Variants in PPP6R3 observed in about 807,000 individuals in gnomAD.
The protein encoded by PPP6R3 is serine/threonine-protein phosphatase 6 regulatory subunit 3.
A neutral mutation model predicts 110.7 loss-of-function variants in PPP6R3; 38 were observed. That is an observed-to-expected ratio of 0.34 (90% confidence interval 0.26 to 0.45). The LOEUF is 0.45. PPP6R3 is among the 20% of genes least tolerant of loss of function. PPP6R3 has a pLI of 1.00. For synonymous variants in PPP6R3, 369 were observed against 373.5 expected (o/e 0.99, Z 0.14); for missense variants, 870 against 1,062.4 (o/e 0.82, Z 2.52).
chr11:68,579,985 G>A (rs1001906238), intron 14 of PPP6R3, among the ~76,000 whole-genome samples: 6 of 152,192 alleles, frequency 3.9e-5, no homozygotes, highest in South Asian at 2.1e-4. Context: ...GCATGACTGC[G>A]CGTGTTTCAG....
chr11:68,569,568 C>T (rs1221600722), intron 10 of PPP6R3, among the ~76,000 whole-genome samples, 180 bp from the exon 11 acceptor site: 2 of 152,108 alleles, frequency 1.3e-5, no homozygotes, highest in African/African-American at 4.8e-5. Context: ...TAACTGAAAC[C>T]ACAGAAAATG....
Position 68,614,823 on chromosome 11 carries a change from T to C in PPP6R3, c.*1706T>C. On this transcript the variant is annotated 3_prime_UTR_variant, in exon 24 of 24. Transcript: ENST00000393800. ...CCCCAGAGGACAGGGCTCCTCCTGC[T>C]TGCCTCAGGGCTGCCTGACTTGAAT... 7.1e-7 allele frequency: 1 copy of C among 1,401,216 alleles called. No homozygotes were observed. The highest frequency in any genetic ancestry group is 1.2e-5 in the South Asian group (1 of 80,792). The allele number at this position is 1,401,216 out of a possible 1,614,324, so 86.8% of individuals were successfully genotyped here.
At chr11:68,600,531 G>A (rs1221121523) in intron 20 of PPP6R3, 37 bp downstream of exon 20, 1 of 1,579,928 alleles carries the variant, frequency 6.3e-7, no homozygotes, top group East Asian at 2.2e-5. Context: ...CCCTTCCACG[G>A]GGGACCTGGG....
intron 13 of PPP6R3, 59 bp from the exon 14 acceptor site, chr11:68,575,895 CTTTA>C (rs937337281): frequency 4.7e-6 from 6 of 1,272,340 alleles, no homozygotes; most frequent in African/African-American, 3.0e-5. Context: ...TACCTGCTTA[CTTTA>C]TTTGTCTCCG....
At chr11:68,605,944 T>C (rs570989251) in intron 22 of PPP6R3, among the ~76,000 whole-genome samples, 34 of 152,330 alleles carry the variant, frequency 2.2e-4, no homozygotes, top group African/African-American at 7.7e-4. Context: ...CCCAGCTCTT[T>C]TTATGAGGGC....
At chr11:68,477,741 A>AAAAAAATATATAT in intron 1 of PPP6R3, among the ~76,000 whole-genome samples, 58 of 57,896 alleles carry the variant, frequency 1.0e-3, no homozygotes, top group Middle Eastern at 0.012. Context: ...AAAAAAAAAA[A>AAAAAAATATATAT]ATATATATAT....
At chr11:68,548,328 G>T (rs1440295210) in intron 5 of PPP6R3, 124 bp downstream of exon 5, 5 of 1,294,096 alleles carry the variant, frequency 3.9e-6, no homozygotes, top group Non-Finnish European at 5.3e-6. Context: ...TGTCTGGGGA[G>T]CCGGTAACAG....
chr11:68,607,733 G>A (rs1356049785), intron 22 of PPP6R3, among the ~76,000 whole-genome samples: 1 of 151,974 alleles, frequency 6.6e-6, no homozygotes, highest in Non-Finnish European at 1.5e-5. Flanking sequence ...CTATCTGTCT[G>A]TCTGCCTATC....
intron 1 of PPP6R3, among the ~76,000 whole-genome samples, chr11:68,464,732 C>T (rs536493911): frequency 1.3e-5 from 2 of 152,144 alleles, no homozygotes; most frequent in Non-Finnish European, 2.9e-5. Context: ...AAATACATTA[C>T]CATACTGTGC....
intron 2 of PPP6R3, among the ~76,000 whole-genome samples, chr11:68,520,693 T>G (rs2099159759): frequency 2.0e-5 from 3 of 152,204 alleles, no homozygotes; most frequent in African/African-American, 7.2e-5. Flanking sequence ...CTCAATATTC[T>G]TCCGGATGAA....
chr11:68,533,506 C>A (rs2099252215), intron 2 of PPP6R3, among the ~76,000 whole-genome samples: 2 of 151,694 alleles, frequency 1.3e-5, no homozygotes, highest in South Asian at 2.1e-4. Context: ...GAGTTTGAGA[C>A]CATCCTGAGC....
At chr11:68,572,711 A>G (rs576011719) in intron 12 of PPP6R3, among the ~76,000 whole-genome samples, 12 of 152,162 alleles carry the variant, frequency 7.9e-5, no homozygotes, top group African/African-American at 1.2e-4. Context: ...ATGTGGTGGT[A>G]CTTGCCTATA....
intron 14 of PPP6R3, among the ~76,000 whole-genome samples, chr11:68,580,299 A>G (rs1268282785): frequency 6.6e-6 from 1 of 152,188 alleles, no homozygotes; most frequent in Non-Finnish European, 1.5e-5. Flanking sequence ...TGATCTAATG[A>G]GAATTTGTTA....
Position 68,542,389 on chromosome 11 carries a change from G to GTTTT in PPP6R3, c.228-2430_228-2427dup, listed in dbSNP as rs34666175. 8.0e-4 allele frequency among the ~76,000 whole-genome samples: 32 copies of GTTTT among 39,954 alleles called. 2 individuals are homozygous for GTTTT. Among genetic ancestry groups the GTTTT allele is most frequent in the Middle Eastern group, 0.045 (1 of 22 alleles). The allele number at this position is 39,954 out of a possible 152,430, so 26.2% of individuals were successfully genotyped here. A position where few individuals can be genotyped will look rare whatever the true frequency, so the allele number is the denominator to read the frequency against. On this transcript the variant is annotated intron_variant, in intron 3 of 23. Coordinates refer to ENST00000393800, the MANE Select transcript of PPP6R3 (RefSeq NM_001164161.2). The stretch of plus-strand genomic sequence containing the variant: ...ATCTTTGGGTGCTTGAGAAGCTGCT[G>GTTTT]TTTTTTTTTTTTTTTTTTTTTTAAG...
At chr11:68,561,332 T>A (rs2099418977) in intron 8 of PPP6R3, among the ~76,000 whole-genome samples, 1 of 152,190 alleles carries the variant, frequency 6.6e-6, no homozygotes, top group East Asian at 1.9e-4. Flanking sequence ...ACACCTGGGC[T>A]CTAATGATCC....
chr11:68,537,219 A>C (rs2099275534), intron 2 of PPP6R3, among the ~76,000 whole-genome samples: 1 of 152,176 alleles, frequency 6.6e-6, no homozygotes, highest in African/African-American at 2.4e-5. Context: ...GCTTTTGACT[A>C]TGAAAGTACT....
intron 1 of PPP6R3, among the ~76,000 whole-genome samples, chr11:68,486,573 C>CA (rs1354652793): frequency 7.0e-6 from 1 of 143,512 alleles, no homozygotes; most frequent in Non-Finnish European, 1.5e-5. Flanking sequence ...CCCTGCACTC[C>CA]AGCCTGGGCG....
At chr11:68,548,966 C>G (rs1246684883) in intron 5 of PPP6R3, among the ~76,000 whole-genome samples, 1 of 152,176 alleles carries the variant, frequency 6.6e-6, no homozygotes, top group African/African-American at 2.4e-5. Flanking sequence ...TCTCGGCTCA[C>G]TGCAACCTCT....
Position 68,601,983 on chromosome 11 carries a change from G to A in PPP6R3, c.2299+14G>A, listed in dbSNP as rs1260619896. ...TGCAGCCAGAAGGTGCGTGCAGAGA[G>A]GCCTGGGTACACGCCAGGGTCACGT... On this transcript the variant is annotated intron_variant, in intron 21 of 23. Transcript: ENST00000393800. 26 of 1,595,168 alleles carry A rather than the reference G, an allele frequency of 1.6e-5. No homozygotes were observed. Among genetic ancestry groups the A allele is most frequent in the Non-Finnish European group, 2.2e-5 (26 of 1,167,924 alleles).
Sources: gnomAD v4.1 joint callset for allele counts (sites outside exome capture counted in the v4.1 genomes callset) on GRCh38, gnomAD v4.1.1 for gene constraint, MANE v1.5 for transcripts, NCBI Gene and HGNC (gene_info 2026-07-23, HGNC 2026-07-21) for gene names.